Variants in CHODL observed in about 807,000 individuals in gnomAD.
CHODL encodes the protein transmembrane protein MT75.
In CHODL, 29 loss-of-function variants were observed where a neutral mutation model predicts 34.5. That is an observed-to-expected ratio of 0.84 (90% confidence interval 0.63 to 1.15). The LOEUF (loss-of-function observed/expected upper bound fraction) is 1.15. Ranked by LOEUF, CHODL falls within the 50% of genes most tolerant of loss-of-function variation. The pLI, the probability that CHODL is intolerant of heterozygous loss-of-function variation, is 0.00. For synonymous variants in CHODL, 125 were observed against 116.1 expected (o/e 1.08, Z -0.49); for missense variants, 332 against 332.5 (o/e 1.00, Z 0.01).
intron 2 of CHODL, among the ~76,000 whole-genome samples, chr21:18,106,549 G>A (rs2065275540): frequency 6.9e-6 from 1 of 145,824 alleles, no homozygotes; most frequent in Non-Finnish European, 1.5e-5. Context: ...AGGCTGGAGT[G>A]CAGTGGCTTG....
intron 1 of CHODL, among the ~76,000 whole-genome samples, chr21:17,974,888 GAC>G (rs1229468897): frequency 6.7e-6 from 1 of 149,188 alleles, no homozygotes; most frequent in African/African-American, 2.4e-5. Flanking sequence ...TTTATAAAAA[GAC>G]ATTAATTCTG....
intron 1 of CHODL, among the ~76,000 whole-genome samples, chr21:17,969,903 G>A (rs2063600980): frequency 6.6e-6 from 1 of 152,014 alleles, no homozygotes; most frequent in Non-Finnish European, 1.5e-5. Flanking sequence ...ACTGAATGGG[G>A]GAACCATCTT....
intron 1 of CHODL, among the ~76,000 whole-genome samples, chr21:18,007,435 G>A (rs1000459458): frequency 4.6e-5 from 7 of 152,152 alleles, no homozygotes; most frequent in African/African-American, 9.7e-5. Context: ...TAAAACTCTC[G>A]TCAAACTGAT....
At chr21:18,260,441 T>A (rs1363690353) in intron 4 of CHODL, among the ~76,000 whole-genome samples, 155 bp downstream of exon 4, 2 of 152,274 alleles carry the variant, frequency 1.3e-5, no homozygotes, top group South Asian at 2.1e-4. Flanking sequence ...TTAGAAAAAA[T>A]TATGCTAAGC....
intron 2 of CHODL, among the ~76,000 whole-genome samples, chr21:18,050,533 G>A (rs891583240): frequency 9.2e-5 from 14 of 151,936 alleles, no homozygotes; most frequent in African/African-American, 3.4e-4. Flanking sequence ...GTACAGATGA[G>A]TGACATAGAT....
chr21:18,232,941 T>TTATATATATATATATATATA lies in CHODL; in HGVS notation c.-44-23568_-44-23567insTATATATATATATATATATA, dbSNP rs752640406. ...TAATTATGGGGTCCACATGATGTTA[T>TTATATATATATATATATATA]GATATATATATATATATATATATAT... is the stretch of plus-strand genomic sequence containing the variant. On this transcript the variant is annotated intron_variant, in intron 2 of 6. Transcript: ENST00000400127. 3.0e-3 allele frequency among the ~76,000 whole-genome samples: 290 copies of TTATATATATATATATATATA among 97,504 alleles called. 14 individuals carry two copies. Among genetic ancestry groups the TTATATATATATATATATATA allele is most frequent in the African/African-American group, 6.9e-3 (130 of 18,762 alleles). 64.0% of individuals were successfully genotyped at this position (97,504 alleles called of 152,430 possible).
chr21:18,030,518 C>T (rs1023132477), intron 2 of CHODL, among the ~76,000 whole-genome samples: 1 of 152,126 alleles, frequency 6.6e-6, no homozygotes, highest in African/African-American at 2.4e-5. Flanking sequence ...AACTGCTCGT[C>T]GTTTTCCATT....
intron 2 of CHODL, among the ~76,000 whole-genome samples, chr21:18,129,800 C>G (rs2072630280): frequency 6.6e-6 from 1 of 151,980 alleles, no homozygotes; most frequent in African/African-American, 2.4e-5. Context: ...TGGAATGAGG[C>G]TGATAAATTG....
Position 18,248,680 on chromosome 21 carries a change from G to A in CHODL, c.79+3378G>A, listed in dbSNP as rs1318599255. On this transcript the variant is annotated intron_variant, in intron 1 of 5. Coordinates refer to ENST00000299295, the MANE Select transcript of CHODL (RefSeq NM_024944.3). ...ACATATATATGTATAATACATATAT[G>A]TATATATTATATACATATATATGTA... Among the ~76,000 whole-genome samples, 1,064 of 113,192 alleles carry A rather than the reference G, an allele frequency of 9.4e-3. 25 individuals carry two copies. Among genetic ancestry groups the A allele is most frequent in the African/African-American group, 0.036 (976 of 27,020 alleles). The allele number at this position is 113,192 out of a possible 152,430, so 74.3% of individuals were successfully genotyped here. A position where few individuals can be genotyped will look rare whatever the true frequency, so the allele number is the denominator to read the frequency against.
intron 1 of CHODL, among the ~76,000 whole-genome samples, chr21:17,978,958 A>G (rs892221944): frequency 1.3e-5 from 2 of 152,128 alleles, no homozygotes; most frequent in Non-Finnish European, 2.9e-5. Flanking sequence ...CCTGCATCTC[A>G]GCAGCAGCAA....
At chr21:18,052,785 G>A (rs1012793988) in intron 2 of CHODL, among the ~76,000 whole-genome samples, 24 of 151,816 alleles carry the variant, frequency 1.6e-4, no homozygotes, top group African/African-American at 5.3e-4. Context: ...ACCAATATTT[G>A]GAAAGACACT....
At chr21:18,059,488 A>G (rs1251228803) in intron 2 of CHODL, among the ~76,000 whole-genome samples, 2 of 140,114 alleles carry the variant, frequency 1.4e-5, no homozygotes, top group Non-Finnish European at 3.0e-5. Flanking sequence ...ACTCAAACTC[A>G]TGATCTTTTT....
At chr21:17,998,004 C>T (rs1297456323) in intron 1 of CHODL, among the ~76,000 whole-genome samples, 1 of 152,178 alleles carries the variant, frequency 6.6e-6, no homozygotes, top group Non-Finnish European at 1.5e-5. Context: ...GTCCACAGTC[C>T]AAAGTCTCAT....
chr21:18,257,246 A>T, intron 3 of CHODL, 119 bp downstream of exon 3: 1 of 892,178 alleles, frequency 1.1e-6, no homozygotes. Flanking sequence ...ATAGAAAATT[A>T]CCTTGCAGTT....
Position 18,157,114 on chromosome 21 carries a change from C to T in CHODL, c.-44-99395C>T, listed in dbSNP as rs140576396. ...TGTCACCCCTTCTGTTGATTACAGG[C>T]GAGTCACACACCTGCTTACATGCAC... On this transcript the variant is annotated intron_variant, in intron 2 of 6. Coordinates refer to the CHODL transcript ENST00000400127. Among the ~76,000 whole-genome samples the T allele has an allele frequency of 2.6e-4, 39 of 152,268 alleles. 1 individual carries two copies. The East Asian group carries it at 5.4e-3, about 21-fold the overall frequency.
At position 18,164,428 on chromosome 21, in the gene CHODL, G is replaced by A. The variant is rs114465886; in HGVS notation, c.-44-92081G>A. On this transcript the variant is annotated intron_variant, in intron 2 of 6. Coordinates refer to the CHODL transcript ENST00000400127. ...AAGGGTTCTGTTCTAGACAACTTAG[G>A]AGTCTGGTGCTTTAGGCTAGTGTAG... Among the ~76,000 whole-genome samples, 661 of 152,336 alleles carry A rather than the reference G, an allele frequency of 4.3e-3. 3 individuals carry two copies. The highest frequency in any genetic ancestry group is 0.015 in the African/African-American group (632 of 41,574).
intron 2 of CHODL, among the ~76,000 whole-genome samples, chr21:18,194,959 G>C (rs1008767190): frequency 6.6e-6 from 1 of 151,646 alleles, no homozygotes; most frequent in South Asian, 2.1e-4. Context: ...ATTTTCTGTG[G>C]GGAGAAAACC....
At chr21:17,962,851 C>G (rs1273276447) in intron 1 of CHODL, among the ~76,000 whole-genome samples, 1 of 151,970 alleles carries the variant, frequency 6.6e-6, no homozygotes, top group Non-Finnish European at 1.5e-5. Context: ...ATCATGAGGT[C>G]AGGAGATCGA....
chr21:18,185,149 T>G (rs2146682307), intron 2 of CHODL, among the ~76,000 whole-genome samples: 1 of 152,264 alleles, frequency 6.6e-6, no homozygotes, highest in South Asian at 2.1e-4. Context: ...CATTAGGTAT[T>G]TCTCCTAATG....
Sources: gnomAD v4.1 joint callset for allele counts (sites outside exome capture counted in the v4.1 genomes callset) on GRCh38, gnomAD v4.1.1 for gene constraint, MANE v1.5 for transcripts, NCBI Gene and HGNC (gene_info 2026-07-23, HGNC 2026-07-21) for gene names.